Variants in STN1 observed in about 807,000 individuals in gnomAD.
STN1 encodes CST complex subunit STN1.
A neutral mutation model predicts 45.5 loss-of-function variants in STN1; 29 were observed. That is an observed-to-expected ratio of 0.64 (90% CI 0.47 to 0.87). STN1 has a LOEUF of 0.87. Among genes scored for constraint, STN1 ranks in the 40% least tolerant of loss-of-function variants. STN1 has a pLI of 0.00. For synonymous variants in STN1, 148 were observed against 159.0 expected (o/e 0.93, Z 0.52); for missense variants, 376 against 441.4 (o/e 0.85, Z 1.33).
chr10:103,917,760 G>C, intron 1 of STN1, 104 bp from the exon 2 acceptor site: 1 of 641,558 alleles, frequency 1.6e-6, no homozygotes, highest in Non-Finnish European at 2.6e-6. Context: ...CAGGAGGGGT[G>C]AACGCAGGGA....
At chr10:103,915,141 A>C (rs1843322258) in intron 2 of STN1, among the ~76,000 whole-genome samples, 1 of 152,244 alleles carries the variant, frequency 6.6e-6, no homozygotes, top group Non-Finnish European at 1.5e-5. Context: ...TGTGTCCTTG[A>C]CACCTTGCCC....
At chr10:103,899,216 C>T (rs559603898) in intron 5 of STN1, among the ~76,000 whole-genome samples, 16 of 152,324 alleles carry the variant, frequency 1.1e-4, no homozygotes, top group African/African-American at 3.8e-4. Context: ...ATGGGCTTGG[C>T]CAGGGCCAAG....
At chr10:103,910,414 C>A (rs1173712710) in intron 3 of STN1, 113 bp downstream of exon 3, 2 of 643,778 alleles carry the variant, frequency 3.1e-6, no homozygotes, top group Admixed American at 2.6e-5. Context: ...AAGTACATGC[C>A]CTTAGTGAGG....
intron 1 of STN1, among the ~76,000 whole-genome samples, 158 bp downstream of exon 1, chr10:103,917,942 C>T (rs1431582927): frequency 6.6e-6 from 1 of 152,232 alleles, no homozygotes; most frequent in Non-Finnish European, 1.5e-5. Flanking sequence ...ACAGGCGTAG[C>T]AGAAACCGCT....
intron 3 of STN1, among the ~76,000 whole-genome samples, chr10:103,908,888 A>ATTT (rs35148368): frequency 1.3e-5 from 2 of 148,606 alleles, no homozygotes; most frequent in Non-Finnish European, 3.0e-5. Context: ...AATGCAGTTA[A>ATTT]TTTTTTTTTT....
chr10:103,897,006 T>C (rs142333589), intron 7 of STN1, among the ~76,000 whole-genome samples: 281 of 152,284 alleles, frequency 1.8e-3, no homozygotes, highest in Non-Finnish European at 3.2e-3. Context: ...CAAGATGATT[T>C]ATTCATCAGC....
intron 7 of STN1, among the ~76,000 whole-genome samples, chr10:103,894,676 G>A (rs1201799177): frequency 6.1e-5 from 8 of 131,632 alleles, no homozygotes; most frequent in Admixed American, 4.1e-4. Context: ...TTAGGAAACC[G>A]AAATTGCTCA....
At position 103,900,170 on chromosome 10, in the gene STN1, G is replaced by A; in HGVS notation, c.349C>T (p.Gln117Ter). ...TTTGTTTTCTGCTCAATGGTCTCTT[G>A]TAGCTTCTTAAGTTGTGAGGTTAAG... Reference protein sequence around the residue: ...LSLTSQLKKLQETIEQKTKIE... With the variant: ...LSLTSQLKKL The change falls in exon 5 of 10, where the codon CAA (glutamine) becomes TAA (stop). Residue 117 changes from glutamine (Q) to a stop codon, truncating the protein, a stop_gained. Transcript: ENST00000224950. LOFTEE classifies it high-confidence loss of function. 6.2e-7 allele frequency: 1 copy of A among 1,614,134 alleles called. No homozygotes were observed. Among genetic ancestry groups the A allele is most frequent in the Non-Finnish European group, 8.5e-7 (1 of 1,180,016 alleles).
intron 4 of STN1, among the ~76,000 whole-genome samples, chr10:103,902,220 ACCG>A (rs1300853909): frequency 2.0e-5 from 3 of 152,166 alleles, no homozygotes; most frequent in African/African-American, 7.2e-5. Context: ...AATCAGCATT[ACCG>A]CTGCTCAGAG....
intron 3 of STN1, among the ~76,000 whole-genome samples, chr10:103,907,624 G>A (rs1438561185): frequency 1.3e-5 from 2 of 152,084 alleles, no homozygotes. Context: ...ACATTGTTTT[G>A]CCTGATTTAT....
chr10:103,890,890 A>G (rs1843135671), intron 8 of STN1, among the ~76,000 whole-genome samples: 1 of 152,208 alleles, frequency 6.6e-6, no homozygotes, highest in Non-Finnish European at 1.5e-5. Context: ...GGAGAGCTGC[A>G]CATAACGGAG....
chr10:103,915,847 C>T (rs112163720), intron 2 of STN1, among the ~76,000 whole-genome samples: 9,691 of 151,986 alleles, frequency 0.064, 501 homozygotes, highest in East Asian at 0.16. Flanking sequence ...GAAACTGTTC[C>T]ACCTCAGATC....
intron 7 of STN1, among the ~76,000 whole-genome samples, chr10:103,896,472 TACA>T (rs1051082727): frequency 6.6e-5 from 10 of 152,108 alleles, no homozygotes; most frequent in Non-Finnish European, 1.0e-4. Flanking sequence ...TGAGTCACGT[TACA>T]ACAACAACAA....
rs1419301794 is a variant in STN1 at position 103,890,008 on chromosome 10, T to C, written c.877-864A>G. Reference sequence around the variant, plus strand: ...GCGTGAGCCACCGCACCTGGCCAACTTAGTCTTTTTTAACCAGCTCAGATT... The same window carrying C: ...GCGTGAGCCACCGCACCTGGCCAACCTAGTCTTTTTTAACCAGCTCAGATT... On this transcript the variant is annotated intron_variant, in intron 8 of 9. Transcript: ENST00000224950. Among the ~76,000 whole-genome samples, 3 of 152,006 alleles carry C rather than the reference T, an allele frequency of 2.0e-5. No individual in the cohort carries two copies. In the East Asian group the frequency reaches 5.8e-4, roughly 29 times the overall value.
chr10:103,885,221 C>T (rs1843095914), intron 9 of STN1, among the ~76,000 whole-genome samples: 1 of 152,210 alleles, frequency 6.6e-6, no homozygotes, highest in Admixed American at 6.5e-5. Context: ...AAGCTTCATC[C>T]CTTCCCAAGA....
rs1326134450 is a variant in STN1, at chr10:103,878,691, T to C, written c.*3993A>G. ...GAGATCTCACCATGCAGAGGTAACA[T>C]GTGCATCCCTTTGGTGAGAATTTCT... On this transcript the variant is annotated 3_prime_UTR_variant, in exon 10 of 10. Coordinates refer to ENST00000224950, the MANE Select transcript of STN1 (RefSeq NM_024928.5). 6.6e-6 allele frequency: 1 copy of C among 152,232 alleles called. No homozygotes were observed. The allele number at this position is 152,232 out of a possible 1,614,324, so 9.4% of individuals were successfully genotyped here. A position where few individuals can be genotyped will look rare whatever the true frequency, so the allele number is the denominator to read the frequency against.
chr10:103,894,534 C>T (rs915937275), intron 7 of STN1, among the ~76,000 whole-genome samples: 1 of 152,162 alleles, frequency 6.6e-6, no homozygotes, highest in Non-Finnish European at 1.5e-5. Flanking sequence ...ACATATTTCC[C>T]TGGCCTAGTT....
chr10:103,897,506 G>A, intron 7 of STN1, 42 bp downstream of exon 7: 1 of 1,575,032 alleles, frequency 6.3e-7, no homozygotes. Context: ...TGCAGATCTG[G>A]GGCAGGGAAC....
intron 7 of STN1, among the ~76,000 whole-genome samples, chr10:103,894,151 CATAACT>C (rs1843156704): frequency 6.6e-6 from 1 of 152,200 alleles, no homozygotes; most frequent in Non-Finnish European, 1.5e-5. Flanking sequence ...TGCAAACCTT[CATAACT>C]ACTTAATCTT....
Sources: gnomAD v4.1 joint callset for allele counts (sites outside exome capture counted in the v4.1 genomes callset) on GRCh38, gnomAD v4.1.1 for gene constraint, MANE v1.5 for transcripts, NCBI Gene and HGNC (gene_info 2026-07-23, HGNC 2026-07-21) for gene names.